The following HAS1 variants were observed in gnomAD, a reference collection of about 807,000 sequenced individuals.
HAS1 encodes the protein HA synthase 1.
A neutral mutation model predicts 35.0 loss-of-function variants in HAS1; 27 were observed. The ratio of observed to expected loss-of-function variants is 0.77; its 90% CI spans 0.57 to 1.06. HAS1 has a LOEUF of 1.06. Ranked by LOEUF, HAS1 falls within the 50% of genes least tolerant of loss-of-function variation. The probability of loss-of-function intolerance (pLI) is 0.00; values close to 1 mark genes in which losing one functional copy is unlikely to be tolerated. For synonymous variants in HAS1, 409 were observed against 371.2 expected, an observed-to-expected ratio of 1.10 and a Z score of -1.17; for missense variants, 940 against 814.8, an observed-to-expected ratio of 1.15 and a Z score of -1.87.
In HAS1 at chr19:51,713,844, G is replaced by T. The variant is rs765216196; in HGVS notation, c.1317C>A (p.Gly439=). Residue 439 remains glycine (G), a synonymous_variant, in exon 5 of 5, where the codon GGC becomes GGA. Coordinates refer to ENST00000540069, the MANE Select transcript of HAS1 (RefSeq NM_001297436.2). This position sits in a 1 kb window ranked among gnomAD's most constrained non-coding sequence, Gnocchi z 4.5. ...CGAAGGCCGCCTTGGCCAGTGCCACGCCCTGCACGCACAGCAGCACCCACA... is the reference window on the plus strand; with the variant it reads ...CGAAGGCCGCCTTGGCCAGTGCCACTCCCTGCACGCACAGCAGCACCCACA... ...ALLWVLLCVQ[G]VALAKAAFAA... is the part of the protein sequence containing the mutation. 1.2e-6 allele frequency: 2 copies of T among 1,606,932 alleles called. No homozygotes were observed. Among genetic ancestry groups the T allele is most frequent in the Admixed American group, 1.7e-5 (1 of 59,860 alleles).
At chr19:51,714,370 C>CTAAAAATAAATAAA (rs1555794190) in intron 4 of HAS1, among the ~76,000 whole-genome samples, 2 of 143,986 alleles carry the variant, frequency 1.4e-5, no homozygotes, top group African/African-American at 5.1e-5. Flanking sequence ...CCCATCTCTA[C>CTAAAAATAAATAAA]TAAATAAATA....
chr19:51,714,024 G>A lies in HAS1; in HGVS notation c.1137C>T (p.Ser379=), dbSNP rs117163408. ...LRWLSQQTRW[S]KSYFREWLYN... ...ACAGCCACTCACGGAAGTACGACTT[G>A]GACCAGCGTGTCTGCTGGCTCAGCC... The change falls in exon 5 of 5, where the codon TCC becomes TCT. Residue 379 remains serine (S), a synonymous_variant. Transcript: ENST00000540069. 6.2e-7 allele frequency: 1 copy of A among 1,613,960 alleles called. No individual in the cohort carries two copies. Among genetic ancestry groups the A allele is most frequent in the Non-Finnish European group, 8.5e-7 (1 of 1,179,972 alleles).
At chr19:51,714,962 G>C (rs2083577212) in intron 4 of HAS1, among the ~76,000 whole-genome samples, 1 of 152,124 alleles carries the variant, frequency 6.6e-6, no homozygotes. Context: ...AGCAAGATGG[G>C]TGTGGTTGCT....
chr19:51,723,377 C>T (rs1295682987), intron 1 of HAS1, among the ~76,000 whole-genome samples: 1 of 152,170 alleles, frequency 6.6e-6, no homozygotes, highest in Non-Finnish European at 1.5e-5. Flanking sequence ...ATGGGATGCA[C>T]AGGGAAGATT....
intron 1 of HAS1, among the ~76,000 whole-genome samples, chr19:51,720,708 T>TCTCCCAGGCC (rs2083626113): frequency 6.6e-6 from 1 of 151,748 alleles, no homozygotes; most frequent in African/African-American, 2.4e-5. Flanking sequence ...TCTCCTAGGC[T>TCTCCCAGGCC]CCAGTCTCCC....
In HAS1 at chr19:51,713,210, A is replaced by C; in HGVS notation, c.*217T>G. ...GCAGGACCCTTTCCCTCCACTCCTC[A>C]GATCCCACACCCTGACCAATAAATA... On this transcript the variant is annotated 3_prime_UTR_variant, in exon 5 of 5. Coordinates refer to ENST00000540069, the MANE Select transcript of HAS1 (RefSeq NM_001297436.2). This position sits in a 1 kb window ranked among gnomAD's most constrained non-coding sequence, Gnocchi z 4.5. 2.3e-6 allele frequency: 1 copy of C among 443,422 alleles called. No homozygotes were observed. Among genetic ancestry groups the C allele is most frequent in the Non-Finnish European group, 3.9e-6 (1 of 255,166 alleles). The allele number at this position is 443,422 out of a possible 1,614,324, so 27.5% of individuals were successfully genotyped here.
rs778990103 is a variant in HAS1 at position 51,719,257 on chromosome 19, C to G, written c.648G>C (p.Glu216Asp). 38 of 1,608,338 alleles carry G rather than the reference C, an allele frequency of 2.4e-5. No individual in the cohort carries two copies. The Admixed American group carries it at 6.3e-4, about 26-fold the overall frequency. The part of the protein sequence containing the change: ...CVAQRWGGKR[E>D]VMYTAFKALG... ...GCGCCTTGAAGGCTGTGTACATGACCTCGCGCTTGCCGCCCCAGCGCTGCG... is the reference window on the plus strand; with the variant it reads ...GCGCCTTGAAGGCTGTGTACATGACGTCGCGCTTGCCGCCCCAGCGCTGCG... The change falls in exon 2 of 5, where the codon GAG (glutamate) becomes GAC (aspartate). Residue 216 changes from glutamate to aspartate, a missense_variant. Physicochemically the swap from Glu to Asp is conservative, Grantham distance 45. Coordinates refer to ENST00000540069, the MANE Select transcript of HAS1 (RefSeq NM_001297436.2).
chr19:51,722,321 G>A (rs547664232), intron 1 of HAS1, among the ~76,000 whole-genome samples: 3 of 152,274 alleles, frequency 2.0e-5, no homozygotes, highest in South Asian at 2.1e-4. Flanking sequence ...TTGCATCTAC[G>A]ATGCCCCTTT....
At chr19:51,714,522 C>CT (rs2083572072) in intron 4 of HAS1, among the ~76,000 whole-genome samples, 1 of 70,974 alleles carries the variant, frequency 1.4e-5, no homozygotes, top group South Asian at 5.7e-4. Flanking sequence ...GACCCCATCT[C>CT]TAAAAAAAAA....
Position 51,717,323 on chromosome 19 carries a change from T to A in HAS1, c.700-130A>T, listed in dbSNP as rs181890608. Reference sequence around the variant, plus strand: ...ATCTGAACATAATTTTGAGATTTTTTAAAGTCATTTTCAATGTGTAGTCAC... The same window carrying A: ...ATCTGAACATAATTTTGAGATTTTTAAAAGTCATTTTCAATGTGTAGTCAC... On this transcript the variant is annotated intron_variant, in intron 2 of 4. Coordinates refer to ENST00000540069, the MANE Select transcript of HAS1 (RefSeq NM_001297436.2). 716 of 626,712 alleles carry A rather than the reference T, an allele frequency of 1.1e-3. 6 individuals are homozygous for A. The African/African-American group carries it at 0.012, about 10-fold the overall frequency. The allele number at this position is 626,712 out of a possible 1,614,324, so 38.8% of individuals were successfully genotyped here.
chr19:51,723,350 A>G lies in HAS1; in HGVS notation c.9+575T>C, dbSNP rs184845078. Reference sequence around the variant, plus strand: ...GTGGCCACAAACACACAGAGCCCCAACTGAGAGTCTGGGGCAATGGGATGC... The same window carrying G: ...GTGGCCACAAACACACAGAGCCCCAGCTGAGAGTCTGGGGCAATGGGATGC... On this transcript the variant is annotated intron_variant, in intron 1 of 4. Coordinates refer to ENST00000540069, the MANE Select transcript of HAS1 (RefSeq NM_001297436.2). Among the ~76,000 whole-genome samples, 50 of 152,324 alleles carry G rather than the reference A, an allele frequency of 3.3e-4. 1 individual carries two copies. Among genetic ancestry groups the G allele is most frequent in the South Asian group, 2.1e-4 (1 of 4,830 alleles).
chr19:51,716,403 G>A lies in HAS1; in HGVS notation c.926-15C>T. 1.9e-6 allele frequency: 3 copies of A among 1,601,978 alleles called. No individual in the cohort carries two copies. Among genetic ancestry groups the A allele is most frequent in the Non-Finnish European group, 2.6e-6 (3 of 1,174,382 alleles). On this transcript the variant is annotated splice_polypyrimidine_tract_variant and intron_variant, in intron 3 of 4. Transcript: ENST00000540069. The stretch of plus-strand genomic sequence containing the variant: ...CCTATATAGGCCTGGGTGGAGGGGA[G>A]GTGTGAAAGAGTGTCAGCCTCTGCT...
In HAS1 at chr19:51,713,748, G is replaced by A. The variant is rs779629328; in HGVS notation, c.1413C>T (p.Leu471=). The change falls in exon 5 of 5, where the codon CTC becomes CTT. Residue 471 remains leucine (L), a synonymous_variant. Coordinates refer to ENST00000540069, the MANE Select transcript of HAS1 (RefSeq NM_001297436.2). The surrounding 1 kb of genome is among the most constrained non-coding windows in gnomAD (Gnocchi z 4.5). ...CTAGCGCCAGGAACTTGGCAGGCAG[G>A]AGGCCACACATGTAGAGGGGCGCGT... ...SLYAPLYMCG[L]LPAKFLALVT... The A allele has an allele frequency of 6.2e-7, 1 of 1,607,304 alleles. No individual in the cohort carries two copies. The highest frequency in any genetic ancestry group is 8.5e-7 in the Non-Finnish European group (1 of 1,177,118).
intron 2 of HAS1, among the ~76,000 whole-genome samples, chr19:51,718,828 A>G (rs1040530794): frequency 2.0e-5 from 3 of 152,120 alleles, no homozygotes; most frequent in Non-Finnish European, 4.4e-5. Flanking sequence ...TTAATTTTAC[A>G]TTGAATGGAT....
At chr19:51,721,767 AAATAAT>A (rs1313383201) in intron 1 of HAS1, among the ~76,000 whole-genome samples, 2 of 151,726 alleles carry the variant, frequency 1.3e-5, no homozygotes, top group Admixed American at 1.3e-4. Flanking sequence ...CTCCATCTCG[AAATAAT>A]AATAATAATA....
In HAS1 at chr19:51,713,504, C is replaced by T; in HGVS notation, c.1657G>A (p.Ala553Thr). 6.2e-7 allele frequency: 1 copy of T among 1,606,430 alleles called. No homozygotes were observed. The highest frequency in any genetic ancestry group is 8.5e-7 in the Non-Finnish European group (1 of 1,177,030). Residue 553 changes from alanine to threonine, a missense_variant, in exon 5 of 5, where the codon GCC becomes ACC. By Grantham distance (58) the Ala-to-Thr change is moderately conservative. Coordinates refer to ENST00000540069, the MANE Select transcript of HAS1 (RefSeq NM_001297436.2). The surrounding 1 kb of genome is among the most constrained non-coding windows in gnomAD (Gnocchi z 4.5). Reference protein sequence around the residue: ...GAGAYVGYWVAMLTLYWVGVR... With the variant: ...GAGAYVGYWVTMLTLYWVGVR... ...CCCACCCAGTACAGCGTCAACATGG[C>T]CACCCAGTAGCCCACGTAGGCGCCG...
Position 51,713,490 on chromosome 19 carries a change from C to A in HAS1, c.1671G>T (p.Leu557=). The A allele has an allele frequency of 1.9e-6, 3 of 1,604,314 alleles. No homozygotes were observed. Among genetic ancestry groups the A allele is most frequent in the Non-Finnish European group, 2.6e-6 (3 of 1,175,782 alleles). The part of the protein sequence containing the change: ...YVGYWVAMLT[L]YWVGVRRLCR... ...AAAGCCTCCGCACGCCCACCCAGTA[C>A]AGCGTCAACATGGCCACCCAGTAGC... The change falls in exon 5 of 5, where the codon CTG becomes CTT. Residue 557 remains leucine (L), a synonymous_variant. Transcript: ENST00000540069. This position sits in a 1 kb window ranked among gnomAD's most constrained non-coding sequence, Gnocchi z 4.5.
At chr19:51,722,060 G>T (rs1275789063) in intron 1 of HAS1, among the ~76,000 whole-genome samples, 1 of 152,120 alleles carries the variant, frequency 6.6e-6, no homozygotes, top group Non-Finnish European at 1.5e-5. Flanking sequence ...TCCCCTCTAC[G>T]CTAAACTGCC....
chr19:51,719,360 T>C lies in HAS1; in HGVS notation c.545A>G (p.Tyr182Cys). Residue 182 changes from tyrosine (Y) to cysteine (C), a missense_variant, in exon 2 of 5, where the codon TAT (tyrosine) becomes TGT (cysteine). Coordinates refer to ENST00000540069, the MANE Select transcript of HAS1 (RefSeq NM_001297436.2). Reference protein sequence around the residue: ...AAAGAVGAGAYREVEAEDPGR... With the variant: ...AAAGAVGAGACREVEAEDPGR... ...AGGATCCTCCGCCTCCACCTCCCGA[T>C]AGGCTCCGGCGCCCACCGCGCCCGC... 6.2e-7 allele frequency: 1 copy of C among 1,603,368 alleles called. No individual in the cohort carries two copies. The highest frequency in any genetic ancestry group is 8.5e-7 in the Non-Finnish European group (1 of 1,174,974).
Sources: allele counts gnomAD v4.1 joint callset (sites outside exome capture counted in the v4.1 genomes callset), GRCh38; gene constraint gnomAD v4.1.1; non-coding constraint Gnocchi (gnomAD v3.1); transcripts MANE v1.5; gene names NCBI Gene and HGNC (gene_info 2026-07-23, HGNC 2026-07-21).